NAV2: variants seen among roughly 807,000 people sequenced by gnomAD.
NAV2 encodes the protein neuron navigator 2, also known as helicase, APC down-regulated 1.
NAV2 carries 54 observed loss-of-function variants against 223.2 expected under a neutral mutation model. The observed-to-expected ratio is 0.24, with a 90% CI of 0.19 to 0.30. The LOEUF (loss-of-function observed/expected upper bound fraction) is 0.30. Ranked by LOEUF, NAV2 falls within the 10% of genes least tolerant of loss-of-function variation. The pLI is 1.00. For missense variants in NAV2, 2,806 were observed against 3,147.5 expected (o/e 0.89, Z 2.60); for synonymous variants, 1,279 against 1,239.3 (o/e 1.03, Z -0.67).
chr11:20,054,184 C>T lies in NAV2; in HGVS notation c.4586C>T (p.Ser1529Phe), dbSNP rs373179488. 4 of 1,613,452 alleles carry T rather than the reference C, an allele frequency of 2.5e-6. No individual in the cohort carries two copies. In the African/African-American group the frequency reaches 5.3e-5, roughly 22 times the overall value. ...GACACCGCTGCCAATTCCCCCTTTT[C>T]CTCTGGCTCCAGCGTGACTTCTCCC... ...LQDTAANSPF[S>F]SGSSVTSPSG... The change falls in exon 18 of 38, where the codon TCC becomes TTC. Residue 1529 changes from serine to phenylalanine, a missense_variant. This residue lies in a region of NAV2 where 742 missense variants were observed against 777.9 expected (regional missense o/e 0.95). Transcript: ENST00000349880.
upstream of NAV2, chr11:19,711,043 AG>A (rs1473130719): frequency 2.6e-5 from 4 of 152,222 alleles, no homozygotes; most frequent in African/African-American, 9.7e-5. Context: ...CAGATGGCAA[AG>A]GGCAAAGTGT....
At chr11:20,114,941 C>G in intron 37 of NAV2, 146 bp downstream of exon 37, 2 of 791,772 alleles carry the variant, frequency 2.5e-6, no homozygotes, top group African/African-American at 3.5e-5. Flanking sequence ...CCATTTTTGC[C>G]AATATTTTCT....
chr11:20,028,033 TG>T (rs1300223153), intron 11 of NAV2, among the ~76,000 whole-genome samples: 1 of 152,242 alleles, frequency 6.6e-6, no homozygotes, highest in Non-Finnish European at 1.5e-5. Context: ...GATACCTCTC[TG>T]GAAGAGCTTG....
intron 1 of NAV2, among the ~76,000 whole-genome samples, chr11:19,551,344 C>G (rs1369167510): frequency 1.3e-5 from 2 of 152,366 alleles, no homozygotes; most frequent in East Asian, 3.9e-4. Flanking sequence ...AAAGTCCCCC[C>G]AGTCATCTCT....
At chr11:19,357,660 G>T (rs1448507500) in intron 1 of NAV2, among the ~76,000 whole-genome samples, 6 of 152,150 alleles carry the variant, frequency 3.9e-5, no homozygotes, top group Admixed American at 3.9e-4. Context: ...TTAACTGAAG[G>T]TCACATAAAA....
At chr11:19,985,812 G>A (rs1210894867) in intron 11 of NAV2, among the ~76,000 whole-genome samples, 1 of 152,140 alleles carries the variant, frequency 6.6e-6, no homozygotes, top group Non-Finnish European at 1.5e-5. Context: ...TCGAATTCAG[G>A]TGATCCACCT....
intron 1 of NAV2, among the ~76,000 whole-genome samples, chr11:19,627,254 A>G (rs916622919): frequency 5.3e-5 from 8 of 152,042 alleles, no homozygotes; most frequent in African/African-American, 1.9e-4. Flanking sequence ...AGGGCGTGGT[A>G]TTGTGTGCCT....
At chr11:19,977,411 C>T (rs544260777) in intron 10 of NAV2, among the ~76,000 whole-genome samples, 1 of 152,306 alleles carries the variant, frequency 6.6e-6, no homozygotes, top group East Asian at 1.9e-4. Context: ...TTTGGGGTGA[C>T]CCATAATCAG....
chr11:19,672,509 G>A (rs553258938), intron 1 of NAV2, among the ~76,000 whole-genome samples: 81 of 152,222 alleles, frequency 5.3e-4, no homozygotes, highest in Admixed American at 3.3e-3. Context: ...CATAAAGGGG[G>A]TATCATGATA....
At chr11:19,719,543 G>C (rs1487428748) in intron 1 of NAV2, among the ~76,000 whole-genome samples, 1 of 152,218 alleles carries the variant, frequency 6.6e-6, no homozygotes, top group Non-Finnish European at 1.5e-5. Flanking sequence ...CCTGAACACA[G>C]TGTATGGCAC....
intron 1 of NAV2, among the ~76,000 whole-genome samples, chr11:19,820,615 G>A (rs1269322343): frequency 6.6e-6 from 1 of 152,350 alleles, no homozygotes; most frequent in East Asian, 1.9e-4. Flanking sequence ...TGGTAGCCGT[G>A]AGGCTGGTCA....
chr11:19,440,902 A>G (rs1170835633), intron 1 of NAV2, among the ~76,000 whole-genome samples: 1 of 152,226 alleles, frequency 6.6e-6, no homozygotes, highest in African/African-American at 2.4e-5. Context: ...AATCTTCCAC[A>G]GCGTCTAGAA....
rs75099087 is a variant in NAV2, at chr11:20,053,268, A to T, written c.4482-812A>T. Among the ~76,000 whole-genome samples the T allele has an allele frequency of 6.9e-3, 1,010 of 147,350 alleles. 15 individuals are homozygous for T. The highest frequency in any genetic ancestry group is 0.023 in the African/African-American group (935 of 40,032). ...AGGAAAGAAATTTCACACGCTACTTATGGGCATAATGAAAAGAACATGCAT... is the reference window on the plus strand; with the variant it reads ...AGGAAAGAAATTTCACACGCTACTTTTGGGCATAATGAAAAGAACATGCAT... On this transcript the variant is annotated intron_variant, in intron 17 of 37. Coordinates refer to ENST00000349880, the MANE Select transcript of NAV2 (RefSeq NM_145117.5).
intron 1 of NAV2, among the ~76,000 whole-genome samples, chr11:19,545,431 G>A (rs2044467830): frequency 6.6e-6 from 1 of 150,874 alleles, no homozygotes; most frequent in Admixed American, 6.6e-5. Context: ...ACTGCCAGGT[G>A]GATGGTGAAA....
At chr11:19,390,497 G>T (rs1849204994) in intron 1 of NAV2, among the ~76,000 whole-genome samples, 1 of 152,110 alleles carries the variant, frequency 6.6e-6, no homozygotes, top group Non-Finnish European at 1.5e-5. Flanking sequence ...GAAATTCAGG[G>T]TGAACAATAT....
chr11:19,401,641 T>G (rs562241275), intron 1 of NAV2, among the ~76,000 whole-genome samples: 2 of 152,286 alleles, frequency 1.3e-5, no homozygotes, highest in Admixed American at 6.5e-5. Flanking sequence ...GAAAATTATT[T>G]AAGATGGACT....
At position 19,859,145 on chromosome 11, in the gene NAV2, T is replaced by C. The variant is rs1372055727; in HGVS notation, c.439-9780T>C. Among the ~76,000 whole-genome samples the C allele has an allele frequency of 2.0e-4, 28 of 142,094 alleles. No homozygotes were observed. In the South Asian group the frequency reaches 7.4e-3, roughly 38 times the overall value. The allele number at this position is 142,094 out of a possible 152,430, so 93.2% of individuals were successfully genotyped here. Reference sequence around the variant, plus strand: ...GTCCAAAATCATATTCTCTTTTTTTTTTTTTTTTTTTTTTATTGATCATTC... The same window carrying C: ...GTCCAAAATCATATTCTCTTTTTTTCTTTTTTTTTTTTTTATTGATCATTC... On this transcript the variant is annotated intron_variant, in intron 3 of 37. Transcript: ENST00000349880.
At position 19,598,361 on chromosome 11, in the gene NAV2, T is replaced by G. The variant is rs151184390; in HGVS notation, c.76-234123T>G. Among the ~76,000 whole-genome samples the G allele has an allele frequency of 2.1e-3, 315 of 152,358 alleles. 2 individuals are homozygous for G. The highest frequency in any genetic ancestry group is 7.3e-3 in the African/African-American group (304 of 41,582). On this transcript the variant is annotated intron_variant, in intron 1 of 37. Transcript: ENST00000360655. Reference sequence around the variant, plus strand: ...CTGTACACAGGTAAGACGGTCACTGTGCTTTGTTTGAAGTAAGGTAGTTTC... The same window carrying G: ...CTGTACACAGGTAAGACGGTCACTGGGCTTTGTTTGAAGTAAGGTAGTTTC...
At chr11:19,566,031 G>GATTTGATTTTATTTT (rs1554964882) in intron 1 of NAV2, among the ~76,000 whole-genome samples, 3 of 138,494 alleles carry the variant, frequency 2.2e-5, no homozygotes, top group East Asian at 2.2e-4. Flanking sequence ...TATCCAAGGA[G>GATTTGATTTTATTTT]ATTTTATTTT....
Sources: gnomAD v4.1 joint callset for allele counts (sites outside exome capture counted in the v4.1 genomes callset) on GRCh38, gnomAD v4.1.1 for gene constraint, gnomAD v4.1.1 regional missense constraint, MANE v1.5 for transcripts, NCBI Gene and HGNC (gene_info 2026-07-23, HGNC 2026-07-21) for gene names.